Variants in MARK3 observed in about 807,000 individuals in gnomAD.
MARK3 encodes the protein MAP/microtubule affinity-regulating kinase 3.
In MARK3, 46 loss-of-function variants were observed where a neutral mutation model predicts 90.1. The observed-to-expected ratio is 0.51, with a 90% CI of 0.40 to 0.65. The LOEUF (loss-of-function observed/expected upper bound fraction) is 0.65. Among genes scored for constraint, MARK3 ranks in the 30% least tolerant of loss-of-function variants. The pLI, the probability that MARK3 is intolerant of heterozygous loss-of-function variation, is 0.00. For synonymous variants in MARK3, 321 were observed against 332.6 expected (o/e 0.97, Z 0.38); for missense variants, 818 against 947.2 (o/e 0.86, Z 1.79).
At chr14:103,387,086 A>G (rs1377822408) in intron 1 of MARK3, among the ~76,000 whole-genome samples, 6 of 152,218 alleles carry the variant, frequency 3.9e-5, no homozygotes, top group African/African-American at 1.4e-4. Context: ...TTTCATTAAA[A>G]GTGTTATGAG....
chr14:103,481,720 G>C (rs2093822253), intron 14 of MARK3, among the ~76,000 whole-genome samples: 1 of 144,542 alleles, frequency 6.9e-6, no homozygotes, highest in Non-Finnish European at 1.5e-5. Flanking sequence ...AGCAGCTGGG[G>C]TAGATAGTTT....
chr14:103,479,033 T>C (rs979028364), intron 13 of MARK3, among the ~76,000 whole-genome samples: 1 of 152,216 alleles, frequency 6.6e-6, no homozygotes, highest in Admixed American at 6.5e-5. Context: ...TCCTTCTTTC[T>C]TGGGGAGGAG....
chr14:103,472,477 A>G (rs1454014940), intron 12 of MARK3, among the ~76,000 whole-genome samples: 1 of 151,270 alleles, frequency 6.6e-6, no homozygotes, highest in Non-Finnish European at 1.5e-5. Context: ...CCCTGTGTCT[A>G]CTAAAAATAC....
At chr14:103,491,239 A>C (rs1325701168) in intron 14 of MARK3, 1 of 567,472 alleles carries the variant, frequency 1.8e-6, no homozygotes, top group Non-Finnish European at 2.6e-6. Flanking sequence ...GATTTTAGTT[A>C]AGCACATCTT....
chr14:103,467,503 AAAAC>A (rs894525214), intron 11 of MARK3: 20 of 178,294 alleles, frequency 1.1e-4, no homozygotes, highest in South Asian at 2.9e-4. Context: ...TGTCTCTGCT[AAAAC>A]AAACAAACAA....
intron 3 of MARK3, among the ~76,000 whole-genome samples, chr14:103,432,755 C>T (rs1030113583): frequency 2.6e-4 from 39 of 152,044 alleles, no homozygotes; most frequent in African/African-American, 9.4e-4. Context: ...ACTTAGGAGG[C>T]TAAGATGGGA....
intron 7 of MARK3, 111 bp downstream of exon 7, chr14:103,462,572 C>G (rs2093423327): frequency 1.6e-6 from 1 of 624,990 alleles, no homozygotes; most frequent in Admixed American, 3.1e-5. Flanking sequence ...TTTTTAAAAT[C>G]CCACAATAAT....
chr14:103,388,460 A>G (rs968883398), intron 1 of MARK3, among the ~76,000 whole-genome samples: 3 of 152,192 alleles, frequency 2.0e-5, no homozygotes, highest in African/African-American at 7.2e-5. Flanking sequence ...ACTTCCTGCC[A>G]ATTGAGTGGT....
At chr14:103,432,122 A>G (rs1595647333) in intron 3 of MARK3, among the ~76,000 whole-genome samples, 1 of 152,194 alleles carries the variant, frequency 6.6e-6, no homozygotes, top group South Asian at 2.1e-4. Context: ...TCTCCATCCA[A>G]TTAAAATATT....
intron 3 of MARK3, among the ~76,000 whole-genome samples, chr14:103,429,613 A>C (rs763679652): frequency 3.4e-4 from 52 of 152,190 alleles, no homozygotes; most frequent in Non-Finnish European, 6.6e-4. Context: ...TGTGATCTGC[A>C]ACCCATAATG....
intron 15 of MARK3, among the ~76,000 whole-genome samples, chr14:103,494,160 G>T (rs1400291337): frequency 3.3e-5 from 5 of 151,618 alleles, no homozygotes; most frequent in African/African-American, 1.2e-4. Flanking sequence ...CTTGAACCTG[G>T]GAGGCGGAGG....
chr14:103,388,752 A>G (rs1259833579), intron 1 of MARK3, among the ~76,000 whole-genome samples: 3 of 152,254 alleles, frequency 2.0e-5, no homozygotes, highest in East Asian at 1.9e-4. Flanking sequence ...CTAGGATGCT[A>G]TGTAAATGGA....
chr14:103,493,078 T>C (rs1036339030), intron 15 of MARK3, among the ~76,000 whole-genome samples: 2 of 152,174 alleles, frequency 1.3e-5, no homozygotes, highest in South Asian at 4.1e-4. Flanking sequence ...TCTGTTTTTC[T>C]GCATTCCCTA....
Position 103,468,102 on chromosome 14 carries a change from A to G in MARK3, c.1180A>G (p.Asn394Asp). 6.2e-7 allele frequency: 1 copy of G among 1,614,024 alleles called. No homozygotes were observed. Among genetic ancestry groups the G allele is most frequent in the East Asian group, 2.2e-5 (1 of 44,864 alleles). Residue 394 changes from asparagine (N) to aspartate (D), a missense_variant, in exon 12 of 18, where the codon AAC (asparagine) becomes GAC (aspartate). Physicochemically the swap from Asn to Asp is conservative, Grantham distance 23. Transcript: ENST00000429436. ...LAKVRPSSDL[N>D]NSTGQSPHHK... ...TAAGGTTAGGCCGAGCAGTGATCTC[A>G]ACAACAGTACTGGCCAGTCTCCTCA...
intron 7 of MARK3, among the ~76,000 whole-genome samples, chr14:103,464,555 C>T (rs1325185288): frequency 6.6e-6 from 1 of 152,102 alleles, no homozygotes; most frequent in Admixed American, 6.6e-5. Flanking sequence ...CCGCCTCAGC[C>T]TCCCAAAGTG....
At chr14:103,480,637 A>AG in intron 14 of MARK3, 147 bp downstream of exon 14, 1 of 588,302 alleles carries the variant, frequency 1.7e-6, no homozygotes, top group Non-Finnish European at 3.0e-6. Flanking sequence ...ACTAATTTTT[A>AG]GCAAGATACT....
chr14:103,500,282 T>C (rs1412805641), intron 17 of MARK3, 82 bp downstream of exon 17: 11 of 1,030,682 alleles, frequency 1.1e-5, no homozygotes, highest in Non-Finnish European at 1.6e-5. Flanking sequence ...TTCTGAATGT[T>C]CCCTACTGTA....
rs534624204 is a variant in MARK3, at chr14:103,415,084, G to A, written c.243+9817G>A. Among the ~76,000 whole-genome samples, 399 of 145,536 alleles carry A rather than the reference G, an allele frequency of 2.7e-3. 1 individual carries two copies. The highest frequency in any genetic ancestry group is 5.0e-3 in the Non-Finnish European group (339 of 67,292). On this transcript the variant is annotated intron_variant, in intron 2 of 17. Coordinates refer to ENST00000429436, the MANE Select transcript of MARK3 (RefSeq NM_001128918.3). Reference sequence around the variant, plus strand: ...GGAGAATCACTTGAACCCGGGAGGCGGAGGTTGCAGTGAGCCAAGATCATG... The same window carrying A: ...GGAGAATCACTTGAACCCGGGAGGCAGAGGTTGCAGTGAGCCAAGATCATG...
At chr14:103,403,292 C>T (rs1382753949) in intron 1 of MARK3, among the ~76,000 whole-genome samples, 3 of 149,688 alleles carry the variant, frequency 2.0e-5, no homozygotes, top group Non-Finnish European at 3.0e-5. Flanking sequence ...CTGCTTTATG[C>T]GCTGCTTTTT....
Sources: allele counts gnomAD v4.1 joint callset (sites outside exome capture counted in the v4.1 genomes callset), GRCh38; gene constraint gnomAD v4.1.1; transcripts MANE v1.5; gene names NCBI Gene and HGNC (gene_info 2026-07-23, HGNC 2026-07-21).